FAM184B: variants seen among roughly 807,000 people sequenced by gnomAD.
The protein encoded by FAM184B is family with sequence similarity 184 member B.
A neutral mutation model predicts 135.9 loss-of-function variants in FAM184B; 111 were observed. That is an observed-to-expected ratio of 0.82 (90% CI 0.70 to 0.96). FAM184B has a LOEUF of 0.96. FAM184B is among the 40% of genes least tolerant of loss of function. FAM184B has a pLI of 0.00. For synonymous variants in FAM184B, 552 were observed against 524.8 expected, an observed-to-expected ratio of 1.05 and a Z score of -0.71; for missense variants, 1,375 against 1,323.9, an observed-to-expected ratio of 1.04 and a Z score of -0.60.
intron 1 of FAM184B, among the ~76,000 whole-genome samples, chr4:17,730,139 GT>G (rs1487434266): frequency 7.2e-5 from 11 of 152,224 alleles, no homozygotes; most frequent in African/African-American, 2.7e-4. Flanking sequence ...AGGAGCCAAT[GT>G]GATCAACTGG....
chr4:17,647,943 C>T (rs1382657836), intron 11 of FAM184B, among the ~76,000 whole-genome samples, 152 bp from the exon 12 acceptor site: 3 of 152,138 alleles, frequency 2.0e-5, no homozygotes, highest in African/African-American at 7.2e-5. Flanking sequence ...TCCAAGGTAA[C>T]AGTAACAACA....
intron 7 of FAM184B, among the ~76,000 whole-genome samples, chr4:17,682,193 G>A (rs967171181): frequency 1.4e-4 from 22 of 152,328 alleles, no homozygotes; most frequent in African/African-American, 5.0e-4. Context: ...CGCCCGTTCA[G>A]TGTGGCCCAG....
At chr4:17,642,269 G>C in intron 12 of FAM184B, 41 bp from the exon 13 acceptor site, 1 of 1,432,578 alleles carries the variant, frequency 7.0e-7, no homozygotes, top group African/African-American at 1.5e-5. Context: ...AGGAGGCGCA[G>C]GGGCAGACAA....
At chr4:17,722,257 T>G (rs1178426916) in intron 1 of FAM184B, among the ~76,000 whole-genome samples, 3 of 152,122 alleles carry the variant, frequency 2.0e-5, no homozygotes, top group Non-Finnish European at 2.9e-5. Context: ...AGAGCGGAGC[T>G]TCAGTGTTCT....
chr4:17,634,440 C>G (rs763556811), intron 16 of FAM184B, among the ~76,000 whole-genome samples: 18 of 152,166 alleles, frequency 1.2e-4, no homozygotes, highest in African/African-American at 4.3e-4. Context: ...TCTCCTACCT[C>G]GGCCTCCTGA....
At chr4:17,770,025 G>A (rs772448117) in intron 1 of FAM184B, among the ~76,000 whole-genome samples, 7 of 152,236 alleles carry the variant, frequency 4.6e-5, no homozygotes, top group African/African-American at 7.2e-5. Flanking sequence ...ACAAAGGCCC[G>A]CAGTGGCACA....
intron 5 of FAM184B, 27 bp downstream of exon 5, chr4:17,704,973 A>C: frequency 6.5e-7 from 1 of 1,539,960 alleles, no homozygotes; most frequent in Non-Finnish European, 8.8e-7. Flanking sequence ...AAAGAACCAG[A>C]ACAGTCTCTA....
Position 17,642,113 on chromosome 4 carries a change from A to T in FAM184B, c.2462T>A (p.Leu821Gln), listed in dbSNP as rs1715339818. Residue 821 changes from leucine (L) to glutamine (Q), a missense_variant, in exon 13 of 18, where the codon CTG becomes CAG. Physicochemically the swap from Leu to Gln is moderately radical, Grantham distance 113. Coordinates refer to ENST00000265018, the MANE Select transcript of FAM184B (RefSeq NM_015688.2). The stretch of plus-strand genomic sequence containing the variant: ...CTGATGCTGCTCCACCTCCGCGCGC[A>T]GCCGCCGCACCGCGTCCTGGAGCTG... ...NAQLQDAVRR[L>Q]RAEVEQHQQE... 6.5e-7 allele frequency: 1 copy of T among 1,532,504 alleles called. No individual in the cohort carries two copies. The highest frequency in any genetic ancestry group is 1.2e-5 in the South Asian group (1 of 83,882). The allele number at this position is 1,532,504 out of a possible 1,614,324, so 94.9% of individuals were successfully genotyped here.
intron 2 of FAM184B, among the ~76,000 whole-genome samples, chr4:17,708,663 CTA>C (rs60087211): frequency 0.025 from 432 of 16,944 alleles, 6 homozygotes; most frequent in Non-Finnish European, 0.029. Context: ...GGAAACAAAA[CTA>C]TATATATATA....
chr4:17,655,538 C>G (rs143861981), intron 10 of FAM184B, among the ~76,000 whole-genome samples: 14 of 152,286 alleles, frequency 9.2e-5, no homozygotes, highest in African/African-American at 3.4e-4. Flanking sequence ...CCTGAGGGAC[C>G]TAGTTTCACC....
chr4:17,741,563 G>A (rs1048479475), intron 1 of FAM184B, among the ~76,000 whole-genome samples: 11 of 152,168 alleles, frequency 7.2e-5, no homozygotes, highest in South Asian at 4.2e-4. Flanking sequence ...GCGTGGTGGC[G>A]CATGCCTGTA....
At chr4:17,674,624 T>C (rs1437744384) in intron 7 of FAM184B, among the ~76,000 whole-genome samples, 1 of 152,198 alleles carries the variant, frequency 6.6e-6, no homozygotes, top group Non-Finnish European at 1.5e-5. Flanking sequence ...CGATACTGTT[T>C]GATACCATTT....
chr4:17,651,134 A>G (rs2108936549), intron 11 of FAM184B, among the ~76,000 whole-genome samples: 1 of 152,308 alleles, frequency 6.6e-6, no homozygotes. Flanking sequence ...GTGAGAGGTT[A>G]TTTGTCTTGC....
At chr4:17,718,116 A>G (rs1452049382) in intron 1 of FAM184B, among the ~76,000 whole-genome samples, 1 of 152,220 alleles carries the variant, frequency 6.6e-6, no homozygotes, top group Non-Finnish European at 1.5e-5. Context: ...CTTATCCAAG[A>G]CATGCGGAGA....
intron 1 of FAM184B, among the ~76,000 whole-genome samples, chr4:17,720,704 G>A (rs187040448): frequency 3.9e-4 from 59 of 151,564 alleles, no homozygotes; most frequent in African/African-American, 1.3e-3. Context: ...TGGCCAACAT[G>A]GTGAAACCCC....
intron 1 of FAM184B, among the ~76,000 whole-genome samples, chr4:17,745,672 T>C (rs111799767): frequency 7.9e-4 from 121 of 152,300 alleles, no homozygotes; most frequent in African/African-American, 2.7e-3. Flanking sequence ...TTCACAGATA[T>C]TTCTCCCAAT....
intron 16 of FAM184B, 25 bp downstream of exon 16, chr4:17,634,984 A>C (rs921253019): frequency 5.5e-5 from 83 of 1,505,924 alleles, no homozygotes; most frequent in Non-Finnish European, 7.4e-5. Flanking sequence ...TGTATAATGC[A>C]TTAAAACCAT....
intron 1 of FAM184B, among the ~76,000 whole-genome samples, chr4:17,767,094 C>A (rs191973249): frequency 7.5e-4 from 114 of 152,292 alleles, no homozygotes; most frequent in African/African-American, 2.5e-3. Context: ...CCAGCCGGCC[C>A]CTCCGAGTGC....
At chr4:17,654,068 T>C (rs1322735017) in intron 10 of FAM184B, among the ~76,000 whole-genome samples, 1 of 152,112 alleles carries the variant, frequency 6.6e-6, no homozygotes, top group Non-Finnish European at 1.5e-5. Context: ...GAACCAGCCC[T>C]GCCAATTCCT....
Sources: gnomAD v4.1 joint callset for allele counts (sites outside exome capture counted in the v4.1 genomes callset) on GRCh38, gnomAD v4.1.1 for gene constraint, MANE v1.5 for transcripts, NCBI Gene and HGNC (gene_info 2026-07-23, HGNC 2026-07-21) for gene names.